ATG3: variants seen among roughly 807,000 people sequenced by gnomAD.
ATG3 encodes the protein ubiquitin-like-conjugating enzyme ATG3.
ATG3 carries 25 observed loss-of-function variants against 50.7 expected under a neutral mutation model. The ratio of observed to expected loss-of-function variants is 0.49; its 90% CI spans 0.36 to 0.69. The LOEUF is 0.69. Ranked by LOEUF, ATG3 falls within the 30% of genes least tolerant of loss-of-function variation. ATG3 has a pLI of 0.00. For synonymous variants in ATG3, 119 were observed against 125.5 expected (o/e 0.95, Z 0.34); for missense variants, 281 against 376.0 (o/e 0.75, Z 2.09).
At chr3:112,545,281 A>C (rs1211058199) in intron 5 of ATG3, among the ~76,000 whole-genome samples, 2 of 152,348 alleles carry the variant, frequency 1.3e-5, no homozygotes, top group Admixed American at 1.3e-4. Context: ...CTTGTCTCAA[A>C]GAAAGCCTTA....
intron 2 of ATG3, among the ~76,000 whole-genome samples, chr3:112,554,597 G>A (rs912402005): frequency 6.6e-6 from 1 of 152,164 alleles, no homozygotes; most frequent in African/African-American, 2.4e-5. Flanking sequence ...AAGCCTGTTT[G>A]GTGGTCTCTA....
chr3:112,542,066 T>G (rs1036023175), intron 6 of ATG3, among the ~76,000 whole-genome samples, 182 bp from the exon 7 acceptor site: 1 of 152,152 alleles, frequency 6.6e-6, no homozygotes, highest in East Asian at 1.9e-4. Flanking sequence ...AAAAGTAACG[T>G]GCTAAGTGCT....
At chr3:112,547,134 T>C (rs1008330577) in intron 5 of ATG3, among the ~76,000 whole-genome samples, 3 of 152,190 alleles carry the variant, frequency 2.0e-5, no homozygotes, top group Admixed American at 1.3e-4. Flanking sequence ...CAACAGAACA[T>C]TCAGCAATTT....
intron 9 of ATG3, 74 bp downstream of exon 9, chr3:112,537,661 G>A: frequency 8.7e-7 from 1 of 1,150,462 alleles, no homozygotes; most frequent in East Asian, 2.7e-5. Flanking sequence ...AATACTCATG[G>A]ACCTAATGAA....
intron 7 of ATG3, among the ~76,000 whole-genome samples, chr3:112,540,706 GAAGA>G (rs1182501532): frequency 1.3e-5 from 2 of 151,206 alleles, no homozygotes; most frequent in East Asian, 1.9e-4. Flanking sequence ...AAGATGACTA[GAAGA>G]AAGAGTCCAG....
rs781383488 is a variant in ATG3 at position 112,561,635 on chromosome 3, C to T, written c.-107G>A. 1.2e-5 allele frequency: 14 copies of T among 1,191,838 alleles called. No homozygotes were observed. The Admixed American group carries it at 2.4e-4, about 20-fold the overall frequency. 73.8% of individuals were successfully genotyped at this position (1,191,838 alleles called of 1,614,324 possible). The stretch of plus-strand genomic sequence containing the variant: ...TCGCTGCCACCGACTCGCATCAGCA[C>T]CCGGCTGGCAGCACCCGAGGGGACG... On this transcript the variant is annotated 5_prime_UTR_variant, in exon 1 of 12. In the 5' UTR this introduces an upstream ATG that the reference lacks. Transcript: ENST00000283290.
chr3:112,537,947 T>C (rs917328682), intron 8 of ATG3, 57 bp from the exon 9 acceptor site: 97 of 1,467,744 alleles, frequency 6.6e-5, no homozygotes, highest in Non-Finnish European at 8.9e-5. Flanking sequence ...AATGTGACAT[T>C]CTAGAAAACT....
chr3:112,552,822 T>C (rs2107386258), intron 3 of ATG3, among the ~76,000 whole-genome samples: 1 of 151,856 alleles, frequency 6.6e-6, no homozygotes, highest in East Asian at 1.9e-4. Context: ...AGCTAATATT[T>C]TGCATTTTTA....
Position 112,550,280 on chromosome 3 carries a change from A to T in ATG3, c.165-18T>A. On this transcript the variant is annotated intron_variant, in intron 3 of 11. Coordinates refer to ENST00000283290, the MANE Select transcript of ATG3 (RefSeq NM_022488.5). ...CTGTAGCCCTTTAAAAACAGTGAAA[A>T]GCACCAAAATACAAAACATATTTTA... 2 of 1,592,380 alleles carry T rather than the reference A, an allele frequency of 1.3e-6. No individual in the cohort carries two copies. Among genetic ancestry groups the T allele is most frequent in the Middle Eastern group, 3.3e-4 (2 of 6,014 alleles).
At chr3:112,533,767 A>C in intron 11 of ATG3, 1 of 985,400 alleles carries the variant, frequency 1.0e-6, no homozygotes, top group South Asian at 4.7e-5. Context: ...CTGAGTAGGA[A>C]AACTATAGTA....
At chr3:112,550,320 A>G (rs1455561149) in intron 3 of ATG3, 58 bp from the exon 4 acceptor site, 34 of 1,297,926 alleles carry the variant, frequency 2.6e-5, no homozygotes, top group Non-Finnish European at 3.5e-5. Context: ...GCAAATATAC[A>G]GCAGAAAGTA....
At chr3:112,549,729 C>T (rs1933475548) in intron 4 of ATG3, among the ~76,000 whole-genome samples, 1 of 150,494 alleles carries the variant, frequency 6.6e-6, no homozygotes, top group East Asian at 2.0e-4. Flanking sequence ...ATCGCTTGAA[C>T]CTGTGAGCCA....
intron 2 of ATG3, among the ~76,000 whole-genome samples, chr3:112,557,946 C>T (rs1188699726): frequency 1.3e-5 from 2 of 152,008 alleles, no homozygotes; most frequent in African/African-American, 4.8e-5. Flanking sequence ...TCTCCACCGA[C>T]AACGAAATAG....
chr3:112,533,023 T>A (rs2082567237), intron 11 of ATG3: 2 of 1,131,210 alleles, frequency 1.8e-6, no homozygotes, highest in Admixed American at 4.9e-5. Context: ...GGTGTTCATA[T>A]AAGCACAATT....
At chr3:112,544,812 T>C (rs1933330100) in intron 5 of ATG3, among the ~76,000 whole-genome samples, 1 of 152,112 alleles carries the variant, frequency 6.6e-6, no homozygotes, top group South Asian at 2.1e-4. Flanking sequence ...CCAGAAGTAT[T>C]TCTGATTTTT....
At chr3:112,539,709 G>C (rs185804605) in intron 7 of ATG3, among the ~76,000 whole-genome samples, 1 of 152,028 alleles carries the variant, frequency 6.6e-6, no homozygotes, top group Non-Finnish European at 1.5e-5. Flanking sequence ...GATAAATACT[G>C]TACTGCCCAA....
chr3:112,540,551 T>C (rs1222005350), intron 7 of ATG3, among the ~76,000 whole-genome samples: 1 of 152,112 alleles, frequency 6.6e-6, no homozygotes, highest in Non-Finnish European at 1.5e-5. Context: ...TCTATCTTTC[T>C]TGTTGCACAA....
chr3:112,533,171 G>C, intron 11 of ATG3: 3 of 986,130 alleles, frequency 3.0e-6, no homozygotes, highest in Non-Finnish European at 3.6e-6. Context: ...TATAGCAAAA[G>C]AGAAAAAAAT....
chr3:112,538,466 C>G (rs1348974459), intron 7 of ATG3: 3 of 270,508 alleles, frequency 1.1e-5, no homozygotes, highest in Non-Finnish European at 1.4e-5. Context: ...TCATCGGTGA[C>G]CTCTTCTTTG....
Sources: gnomAD v4.1 joint callset for allele counts (sites outside exome capture counted in the v4.1 genomes callset) on GRCh38, gnomAD v4.1.1 for gene constraint, MANE v1.5 for transcripts, NCBI Gene and HGNC (gene_info 2026-07-23, HGNC 2026-07-21) for gene names.